Variants in TBC1D22A observed in about 807,000 individuals in gnomAD.
TBC1D22A encodes the protein putative GTPase activator.
Under a neutral mutation model 60.2 loss-of-function variants are expected in TBC1D22A, and 38 were observed. The observed-to-expected ratio is 0.63, with a 90% CI of 0.49 to 0.83. The LOEUF (loss-of-function observed/expected upper bound fraction) is 0.83. Ranked by LOEUF, TBC1D22A falls within the 40% of genes least tolerant of loss-of-function variation. The probability of loss-of-function intolerance (pLI) is 0.00; values close to 1 mark genes in which losing one functional copy is unlikely to be tolerated. For synonymous variants in TBC1D22A, 302 were observed against 281.7 expected (o/e 1.07, Z -0.72); for missense variants, 628 against 701.0 (o/e 0.90, Z 1.18).
chr22:47,013,859 A>C (rs1047646222), intron 10 of TBC1D22A, among the ~76,000 whole-genome samples: 3 of 152,172 alleles, frequency 2.0e-5, no homozygotes, highest in African/African-American at 4.8e-5. Context: ...CACTCTTCTC[A>C]GACCCACAGT....
intron 8 of TBC1D22A, among the ~76,000 whole-genome samples, chr22:46,930,680 G>T (rs1003519455): frequency 5.3e-5 from 8 of 151,458 alleles, no homozygotes; most frequent in South Asian, 4.2e-4. Context: ...AGCCAGGATG[G>T]TCTCGATCTC....
chr22:46,803,513 G>A (rs1007137069), intron 4 of TBC1D22A, among the ~76,000 whole-genome samples: 8 of 152,226 alleles, frequency 5.3e-5, no homozygotes, highest in Admixed American at 5.2e-4. Flanking sequence ...CGACCCGGCC[G>A]TCAGCGTTCA....
intron 12 of TBC1D22A, among the ~76,000 whole-genome samples, chr22:47,134,173 C>A (rs141159715): frequency 0.02 from 2,973 of 152,330 alleles, 38 homozygotes; most frequent in Non-Finnish European, 0.03. Context: ...CCATTCAAAT[C>A]ATTAATTGAA....
chr22:47,132,993 C>T (rs756538260), intron 12 of TBC1D22A, among the ~76,000 whole-genome samples: 5 of 152,172 alleles, frequency 3.3e-5, no homozygotes, highest in African/African-American at 4.8e-5. Context: ...GACAGAACAG[C>T]CACCACCGTC....
chr22:46,968,947 G>A (rs151286745), intron 8 of TBC1D22A, among the ~76,000 whole-genome samples: 1 of 152,046 alleles, frequency 6.6e-6, no homozygotes, highest in East Asian at 1.9e-4. Context: ...CTGTCCACTC[G>A]TCCATCTCTC....
intron 10 of TBC1D22A, among the ~76,000 whole-genome samples, chr22:47,005,637 TACACACACACAC>T (rs373781281): frequency 6.8e-6 from 1 of 147,106 alleles, no homozygotes. Context: ...AACATGCCTG[TACACACACACAC>T]ACACCCACAC....
intron 11 of TBC1D22A, among the ~76,000 whole-genome samples, chr22:47,063,831 C>T (rs2063666891): frequency 6.6e-6 from 1 of 152,240 alleles, no homozygotes; most frequent in Non-Finnish European, 1.5e-5. Context: ...CTCATGGCAG[C>T]CTCACTCCAG....
At chr22:46,810,096 A>G (rs1388942622) in intron 4 of TBC1D22A, among the ~76,000 whole-genome samples, 1 of 152,236 alleles carries the variant, frequency 6.6e-6, no homozygotes, top group Non-Finnish European at 1.5e-5. Flanking sequence ...TCACGCATAC[A>G]GAAGTGATGT....
chr22:46,801,539 A>G (rs1369648495), intron 4 of TBC1D22A, among the ~76,000 whole-genome samples: 2 of 152,276 alleles, frequency 1.3e-5, no homozygotes, highest in Non-Finnish European at 2.9e-5. Context: ...TTACTCACAC[A>G]AAGACTGCCT....
In TBC1D22A at chr22:47,064,293, G is replaced by A. The variant is rs570802383; in HGVS notation, c.1329+27095G>A. On this transcript the variant is annotated intron_variant, in intron 11 of 12. Coordinates refer to ENST00000337137, the MANE Select transcript of TBC1D22A (RefSeq NM_014346.5). ...TGCTCAGTTCCCGGGCAGCGGTGCC[G>A]GGCGGTCATGCCGCTCTAAGCCAGG... Among the ~76,000 whole-genome samples the A allele has an allele frequency of 1.2e-4, 19 of 152,348 alleles. No individual in the cohort carries two copies. The East Asian group carries it at 3.3e-3, about 26-fold the overall frequency.
intron 8 of TBC1D22A, among the ~76,000 whole-genome samples, chr22:46,967,399 G>A (rs2073854273): frequency 6.6e-6 from 1 of 152,158 alleles, no homozygotes; most frequent in South Asian, 2.1e-4. Flanking sequence ...CCCAAGTTGG[G>A]AAATGCAAAA....
chr22:46,932,610 G>A (rs2147896948), intron 8 of TBC1D22A, among the ~76,000 whole-genome samples: 1 of 152,180 alleles, frequency 6.6e-6, no homozygotes, highest in South Asian at 2.1e-4. Context: ...ACCCATCACG[G>A]AGCCTTGGGT....
At chr22:46,943,558 G>C (rs1005235516) in intron 8 of TBC1D22A, among the ~76,000 whole-genome samples, 1 of 152,228 alleles carries the variant, frequency 6.6e-6, no homozygotes, top group African/African-American at 2.4e-5. Context: ...TCTCCTACTT[G>C]TGTATTCCGC....
At chr22:46,937,565 T>G (rs1327711471) in intron 8 of TBC1D22A, among the ~76,000 whole-genome samples, 1 of 152,088 alleles carries the variant, frequency 6.6e-6, no homozygotes, top group Admixed American at 6.6e-5. Context: ...AATCGTTATT[T>G]TAGAATGTAA....
At chr22:46,976,622 C>G (rs1602757482) in intron 9 of TBC1D22A, among the ~76,000 whole-genome samples, 1 of 152,342 alleles carries the variant, frequency 6.6e-6, no homozygotes, top group African/African-American at 2.4e-5. Context: ...GCTCCTTTTC[C>G]TACTCTTGGT....
intron 4 of TBC1D22A, among the ~76,000 whole-genome samples, chr22:46,811,788 C>A (rs947754074): frequency 3.3e-5 from 5 of 152,108 alleles, no homozygotes; most frequent in African/African-American, 1.2e-4. Context: ...TAGGAAAAGC[C>A]AAAAATGCAG....
intron 11 of TBC1D22A, among the ~76,000 whole-genome samples, chr22:47,095,262 C>G (rs908431869): frequency 6.6e-6 from 1 of 152,244 alleles, no homozygotes; most frequent in Admixed American, 6.5e-5. Context: ...CAATTTCTGT[C>G]ATTTGAATGG....
intron 10 of TBC1D22A, among the ~76,000 whole-genome samples, chr22:47,032,682 A>C (rs1317827933): frequency 1.3e-5 from 2 of 152,248 alleles, no homozygotes; most frequent in East Asian, 3.8e-4. Context: ...GAGAACCTTC[A>C]GAGCAGCGGC....
chr22:47,048,792 A>G (rs4485), intron 11 of TBC1D22A, among the ~76,000 whole-genome samples: 106,805 of 152,004 alleles, frequency 0.7, 38,006 homozygotes, highest in East Asian at 0.92. Flanking sequence ...CACCTGCCGC[A>G]CCGTAATCAG....
Sources: gnomAD v4.1 joint callset for allele counts (sites outside exome capture counted in the v4.1 genomes callset) on GRCh38, gnomAD v4.1.1 for gene constraint, MANE v1.5 for transcripts, NCBI Gene and HGNC (gene_info 2026-07-23, HGNC 2026-07-21) for gene names.